The following ANKRD17 variants were observed in gnomAD, a reference collection of about 807,000 sequenced individuals.
ANKRD17 encodes the protein ankyrin repeat domain-containing protein 17.
Under a neutral mutation model 229.7 loss-of-function variants are expected in ANKRD17, and 19 were observed. The observed-to-expected ratio is 0.08, with a 90% CI of 0.06 to 0.12. The LOEUF is 0.12. ANKRD17 is among the 10% of genes least tolerant of loss of function. The pLI, the probability that ANKRD17 is intolerant of heterozygous loss-of-function variation, is 1.00. For synonymous variants in ANKRD17, 1,112 were observed against 1,146.1 expected (o/e 0.97, Z 0.60); for missense variants, 2,176 against 3,176.8 (o/e 0.68, Z 7.57).
At chr4:73,208,784 T>C (rs958825253) in intron 1 of ANKRD17, among the ~76,000 whole-genome samples, 2 of 152,210 alleles carry the variant, frequency 1.3e-5, no homozygotes, top group African/African-American at 2.4e-5. Context: ...GGGAAACTTA[T>C]AGTGTTTAAT....
intron 30 of ANKRD17, among the ~76,000 whole-genome samples, chr4:73,079,460 A>T (rs951237316): frequency 6.6e-6 from 1 of 152,142 alleles, no homozygotes; most frequent in Non-Finnish European, 1.5e-5. Flanking sequence ...AGGCTCGATC[A>T]TAACTCACTG....
chr4:73,183,357 C>T (rs16849185), intron 1 of ANKRD17, among the ~76,000 whole-genome samples: 33,537 of 152,046 alleles, frequency 0.22, 4,860 homozygotes, highest in African/African-American at 0.41. Context: ...GGAATAGTGT[C>T]GGAAATTTGT....
rs147722132 is a variant in ANKRD17 at position 73,098,225 on chromosome 4, G to A, written c.4869C>T (p.Ser1623=). Residue 1623 remains serine, a synonymous_variant, in exon 26 of 34, where the codon AGC becomes AGT. Coordinates refer to ENST00000358602, the MANE Select transcript of ANKRD17 (RefSeq NM_032217.5). Reference sequence around the variant, plus strand: ...TGCTGTTGCTGTTACTACTTTCATCGCTGCAGCTGGAAATCCTCATGTTAT... The same window carrying A: ...TGCTGTTGCTGTTACTACTTTCATCACTGCAGCTGGAAATCCTCATGTTAT... The part of the protein sequence containing the change: ...DSDNMRISSC[S]DESSNSNSSR... 28 of 1,613,966 alleles carry A rather than the reference G, an allele frequency of 1.7e-5. No individual in the cohort carries two copies. The highest frequency in any genetic ancestry group is 1.6e-4 in the Middle Eastern group (1 of 6,084).
intron 15 of ANKRD17, among the ~76,000 whole-genome samples, chr4:73,139,201 T>C (rs1729297975): frequency 6.6e-6 from 1 of 151,976 alleles, no homozygotes; most frequent in Non-Finnish European, 1.5e-5. Flanking sequence ...AGAAGCAAAA[T>C]GCCAAAATTC....
At chr4:73,247,243 A>T (rs1186975611) in intron 1 of ANKRD17, among the ~76,000 whole-genome samples, 1 of 152,076 alleles carries the variant, frequency 6.6e-6, no homozygotes, top group Admixed American at 6.5e-5. Flanking sequence ...TGTTTAACAG[A>T]TTTTTAAAAC....
chr4:73,155,013 C>T (rs1007124867), intron 5 of ANKRD17, among the ~76,000 whole-genome samples: 15 of 150,258 alleles, frequency 1.0e-4, no homozygotes, highest in African/African-American at 3.7e-4. Context: ...TGCACTCCAG[C>T]CTGGGTGACA....
Position 73,135,259 on chromosome 4 carries a change from C to T in ANKRD17, c.3092G>A (p.Ser1031Asn), listed in dbSNP as rs1728745682. 1.2e-6 allele frequency: 2 copies of T among 1,610,588 alleles called. No homozygotes were observed. The highest frequency in any genetic ancestry group is 3.4e-5 in the Admixed American group (2 of 59,688). Residue 1031 changes from serine (S) to asparagine (N), a missense_variant, in exon 16 of 34, where the codon AGT (serine) becomes AAT (asparagine). Transcript: ENST00000358602. Reference sequence around the variant, plus strand: ...GTTTGACATTGCAGATGCTCTTCCACTGACTGCTGTTGAACAAAATAACTG... The same window carrying T: ...GTTTGACATTGCAGATGCTCTTCCATTGACTGCTGTTGAACAAAATAACTG... ...DTLDDIMAAV[S>N]GRASAMSNTP...
intron 29 of ANKRD17, among the ~76,000 whole-genome samples, chr4:73,089,645 A>C (rs1289200440): frequency 6.6e-6 from 1 of 152,218 alleles, no homozygotes; most frequent in Non-Finnish European, 1.5e-5. Flanking sequence ...TAAGATGGTC[A>C]CATGAAGGGA....
chr4:73,135,196 G>A lies in ANKRD17; in HGVS notation c.3155C>T (p.Pro1052Leu). The A allele has an allele frequency of 6.2e-7, 1 of 1,613,926 alleles. No homozygotes were observed. ...THSIAASISQ[P>L]QTPTPSPIIS... The stretch of plus-strand genomic sequence containing the variant: ...GATAGGACTTGGAGTTGGAGTCTGA[G>A]GTTGGGAAATGGATGCAGCAATACT... The change falls in exon 16 of 34, where the codon CCT becomes CTT. Residue 1052 changes from proline (P) to leucine (L), a missense_variant. Transcript: ENST00000358602.
At position 73,234,610 on chromosome 4, in the gene ANKRD17, C is replaced by T. The variant is rs75408699; in HGVS notation, c.393+23666G>A. Among the ~76,000 whole-genome samples the T allele has an allele frequency of 9.7e-4, 147 of 152,268 alleles. 1 individual carries two copies. The highest frequency in any genetic ancestry group is 3.3e-3 in the African/African-American group (136 of 41,548). On this transcript the variant is annotated intron_variant, in intron 1 of 33. Transcript: ENST00000358602. ...TTTAAGCAGGTAGGGCACGCGTATA[C>T]GCAGGTACCCCAAAAAGGTACCTGG...
chr4:73,089,466 A>C (rs956718751), intron 29 of ANKRD17, among the ~76,000 whole-genome samples: 1 of 152,310 alleles, frequency 6.6e-6, no homozygotes, highest in Non-Finnish European at 1.5e-5. Context: ...TGAAATGCTT[A>C]TATTAAAACC....
chr4:73,247,569 C>G (rs1744611520), intron 1 of ANKRD17, among the ~76,000 whole-genome samples: 1 of 152,016 alleles, frequency 6.6e-6, no homozygotes, highest in South Asian at 2.1e-4. Context: ...CACACACACA[C>G]ACGCACTCAG....
chr4:73,197,693 G>A (rs372855104), intron 1 of ANKRD17, among the ~76,000 whole-genome samples: 20 of 151,920 alleles, frequency 1.3e-4, no homozygotes, highest in African/African-American at 2.2e-4. Flanking sequence ...TTAATCAGCC[G>A]GGCATACGAG....
chr4:73,199,117 A>C (rs751533678), intron 1 of ANKRD17, among the ~76,000 whole-genome samples: 4 of 152,102 alleles, frequency 2.6e-5, no homozygotes, highest in Non-Finnish European at 5.9e-5. Context: ...AGACATCAGC[A>C]ATCATGTTAC....
intron 1 of ANKRD17, among the ~76,000 whole-genome samples, chr4:73,256,559 C>G (rs763826770): frequency 2.8e-4 from 43 of 152,124 alleles, no homozygotes; most frequent in Non-Finnish European, 5.9e-5. Flanking sequence ...TTGATTTGTA[C>G]TTTTGCTACT....
intron 6 of ANKRD17, among the ~76,000 whole-genome samples, chr4:73,152,607 T>C (rs2148872378): frequency 6.6e-6 from 1 of 152,224 alleles, no homozygotes; most frequent in East Asian, 1.9e-4. Context: ...CCCTTTTGGA[T>C]AGCAGGGTGG....
At chr4:73,086,177 CA>C (rs1366461575) in intron 29 of ANKRD17, among the ~76,000 whole-genome samples, 2 of 152,128 alleles carry the variant, frequency 1.3e-5, no homozygotes, top group African/African-American at 4.8e-5. Context: ...GGCTTTCTGT[CA>C]AAGTGGACTT....
intron 19 of ANKRD17, 83 bp downstream of exon 19, chr4:73,121,534 T>G: frequency 1.3e-6 from 2 of 1,510,542 alleles, no homozygotes; most frequent in Non-Finnish European, 9.2e-7. Flanking sequence ...TTTACTAAAT[T>G]TGGCACTAAA....
intron 16 of ANKRD17, among the ~76,000 whole-genome samples, chr4:73,126,076 C>T (rs1186729241): frequency 1.3e-5 from 2 of 152,092 alleles, no homozygotes; most frequent in African/African-American, 4.8e-5. Context: ...GTGCAAGGAG[C>T]AAGTATCCAA....
Sources: allele counts gnomAD v4.1 joint callset (sites outside exome capture counted in the v4.1 genomes callset), GRCh38; gene constraint gnomAD v4.1.1; transcripts MANE v1.5; gene names NCBI Gene and HGNC (gene_info 2026-07-23, HGNC 2026-07-21).